The following KCNH1 variants were observed in gnomAD, a reference collection of about 807,000 sequenced individuals.
The protein encoded by KCNH1 is potassium voltage-gated channel subfamily H member 1, also known as voltage-gated delayed rectifier potassium channel KCNH1.
KCNH1 carries 27 observed loss-of-function variants against 69.2 expected under a neutral mutation model. That is an observed-to-expected ratio of 0.39 (90% CI 0.29 to 0.54). KCNH1 has a LOEUF of 0.54. KCNH1 is among the 20% of genes least tolerant of loss of function. The pLI is 0.68. For synonymous variants in KCNH1, 456 were observed against 487.7 expected (o/e 0.93, Z 0.86); for missense variants, 798 against 1,261.6 (o/e 0.63, Z 5.57).
chr1:210,832,661 A>G (rs2102441292), intron 7 of KCNH1, among the ~76,000 whole-genome samples: 1 of 152,202 alleles, frequency 6.6e-6, no homozygotes, highest in East Asian at 1.9e-4. Context: ...CTAGGTAAAC[A>G]CCTTCTTTCA....
intron 6 of KCNH1, among the ~76,000 whole-genome samples, chr1:211,014,260 T>C (rs1571579108): frequency 6.6e-6 from 1 of 152,200 alleles, no homozygotes; most frequent in East Asian, 1.9e-4. Context: ...CGAAGCACAC[T>C]AGCCCAACAA....
At chr1:210,804,284 T>G in intron 7 of KCNH1, 118 bp from the exon 8 acceptor site, 2 of 791,586 alleles carry the variant, frequency 2.5e-6, no homozygotes, top group Non-Finnish European at 4.1e-6. Flanking sequence ...CCCTCCCCAG[T>G]GCAGACTGCC....
intron 10 of KCNH1, among the ~76,000 whole-genome samples, chr1:210,688,425 A>C (rs146442917): frequency 1.3e-5 from 2 of 152,212 alleles, no homozygotes; most frequent in African/African-American, 4.8e-5. Flanking sequence ...CTTTGTGGCT[A>C]TAGCCATCCC....
chr1:210,861,236 C>T (rs369136941), intron 7 of KCNH1: 1 of 968,704 alleles, frequency 1.0e-6, no homozygotes, highest in East Asian at 2.4e-5. Flanking sequence ...TTGGATAATG[C>T]CTTGTATATG....
chr1:210,999,308 A>G (rs1414304279), intron 6 of KCNH1, among the ~76,000 whole-genome samples: 1 of 152,100 alleles, frequency 6.6e-6, no homozygotes, highest in African/African-American at 2.4e-5. Flanking sequence ...TCAAATAGAC[A>G]CAATAAAAAA....
intron 7 of KCNH1, among the ~76,000 whole-genome samples, chr1:210,890,259 T>G (rs1686716702): frequency 6.6e-6 from 1 of 152,144 alleles, no homozygotes; most frequent in Non-Finnish European, 1.5e-5. Context: ...AACCATCTGA[T>G]CATTGACACA....
chr1:211,082,647 A>T (rs1690878800), intron 5 of KCNH1, 133 bp downstream of exon 5: 1 of 711,370 alleles, frequency 1.4e-6, no homozygotes, highest in Non-Finnish European at 2.5e-6. Context: ...TGTGGTGTGT[A>T]AGCCCAGCCA....
chr1:210,953,860 C>T (rs918174736), intron 6 of KCNH1, among the ~76,000 whole-genome samples: 11 of 152,116 alleles, frequency 7.2e-5, no homozygotes, highest in Non-Finnish European at 1.5e-5. Flanking sequence ...TTGCAGTTCT[C>T]CTTATTCTTT....
chr1:210,885,476 G>C (rs149304978), intron 7 of KCNH1, among the ~76,000 whole-genome samples: 1 of 151,778 alleles, frequency 6.6e-6, no homozygotes, highest in Non-Finnish European at 1.5e-5. Flanking sequence ...GCACAAAACC[G>C]GGCTGCCATT....
chr1:211,030,690 G>T (rs1317761352), intron 5 of KCNH1, among the ~76,000 whole-genome samples: 1 of 151,822 alleles, frequency 6.6e-6, no homozygotes, highest in African/African-American at 2.4e-5. Context: ...CAGAATCTAG[G>T]GCTAGGCAAA....
chr1:210,832,513 G>A (rs1685183619), intron 7 of KCNH1, among the ~76,000 whole-genome samples: 1 of 152,120 alleles, frequency 6.6e-6, no homozygotes, highest in Non-Finnish European at 1.5e-5. Context: ...CTACATTAAC[G>A]CTGTATATAA....
chr1:210,798,145 T>C (rs1684357598), intron 8 of KCNH1, among the ~76,000 whole-genome samples: 1 of 151,210 alleles, frequency 6.6e-6, no homozygotes, highest in Non-Finnish European at 1.5e-5. Flanking sequence ...GTTCACGCCA[T>C]CCTCCTGCCT....
At chr1:210,957,847 T>G (rs1362761505) in intron 6 of KCNH1, among the ~76,000 whole-genome samples, 1 of 152,232 alleles carries the variant, frequency 6.6e-6, no homozygotes, top group African/African-American at 2.4e-5. Flanking sequence ...AGCACACTGA[T>G]GGGTCTTGCC....
chr1:211,006,770 A>G (rs1214058761), intron 6 of KCNH1, among the ~76,000 whole-genome samples: 1 of 152,216 alleles, frequency 6.6e-6, no homozygotes, highest in African/African-American at 2.4e-5. Context: ...GGAAAAACCT[A>G]AATGCCAAAT....
At chr1:210,867,462 CAT>C (rs1686139595) in intron 7 of KCNH1, among the ~76,000 whole-genome samples, 2 of 151,600 alleles carry the variant, frequency 1.3e-5, no homozygotes, top group African/African-American at 2.4e-5. Flanking sequence ...TTTAGCCTAA[CAT>C]GTGGCTGTGT....
intron 5 of KCNH1, among the ~76,000 whole-genome samples, chr1:211,030,421 T>C (rs565868850): frequency 6.6e-6 from 1 of 152,252 alleles, no homozygotes; most frequent in East Asian, 1.9e-4. Flanking sequence ...TATAGATTCA[T>C]AGAACAGAAT....
chr1:210,764,098 C>G (rs1374201595), intron 10 of KCNH1, among the ~76,000 whole-genome samples: 3 of 151,876 alleles, frequency 2.0e-5, no homozygotes, highest in Admixed American at 2.0e-4. Context: ...TTGACAAAGC[C>G]AACAAAAATA....
intron 6 of KCNH1, among the ~76,000 whole-genome samples, chr1:211,015,132 C>T (rs1474179332): frequency 6.6e-6 from 1 of 152,208 alleles, no homozygotes; most frequent in Non-Finnish European, 1.5e-5. Context: ...ATCCCCAACA[C>T]AGATGCCTTG....
At chr1:211,079,985 A>G (rs1690820308) in intron 5 of KCNH1, among the ~76,000 whole-genome samples, 1 of 152,234 alleles carries the variant, frequency 6.6e-6, no homozygotes, top group Admixed American at 6.5e-5. Context: ...AGGCAAGAGA[A>G]AGAAATAAAA....
Sources: gnomAD v4.1 joint callset for allele counts (sites outside exome capture counted in the v4.1 genomes callset) on GRCh38, gnomAD v4.1.1 for gene constraint, MANE v1.5 for transcripts, NCBI Gene and HGNC (gene_info 2026-07-23, HGNC 2026-07-21) for gene names.